Variants in LDB3 observed in about 807,000 individuals in gnomAD.
The protein encoded by LDB3 is LIM domain binding 3.
Under a neutral mutation model 69.0 loss-of-function variants are expected in LDB3, and 49 were observed. The observed-to-expected ratio is 0.71, with a 90% CI of 0.56 to 0.90. The LOEUF (loss-of-function observed/expected upper bound fraction) is 0.90, where lower values mean the gene tolerates loss of function less well. Among genes scored for constraint, LDB3 ranks in the 40% least tolerant of loss-of-function variants. LDB3 has a pLI of 0.00. For missense variants in LDB3, 928 were observed against 974.1 expected (o/e 0.95, Z 0.63); for synonymous variants, 387 against 396.2 (o/e 0.98, Z 0.28).
rs202247419 is a variant in LDB3, at chr10:86,709,934, T to C, written c.1115T>C (p.Val372Ala). Residue 372 changes from valine (V) to alanine (A), a missense_variant, in exon 9 of 14, where the codon GTG becomes GCG. Transcript: ENST00000361373. Reference protein sequence around the residue: ...RPQASSYSPAVAASSAPATHT... With the variant: ...RPQASSYSPAAAASSAPATHT... ...CAGGCCTCTTCCTACAGCCCCGCAG[T>C]GGCCGCCTCTTCAGCACCTGCCACC... The C allele has an allele frequency of 4.3e-6, 7 of 1,612,248 alleles. No homozygotes were observed. The African/African-American group carries it at 9.3e-5, about 21-fold the overall frequency.
intron 8 of LDB3, among the ~76,000 whole-genome samples, chr10:86,708,526 C>T (rs1356539985): frequency 6.6e-6 from 1 of 152,148 alleles, no homozygotes; most frequent in Admixed American, 6.5e-5. Flanking sequence ...CCAGCTAAGA[C>T]CACTGCACCT....
intron 5 of LDB3, among the ~76,000 whole-genome samples, chr10:86,686,423 G>GGAGA (rs1361886598): frequency 6.6e-6 from 1 of 152,178 alleles, no homozygotes; most frequent in Non-Finnish European, 1.5e-5. Context: ...GTGTGTAGTG[G>GGAGA]GAGATCTCTC....
intron 12 of LDB3, among the ~76,000 whole-genome samples, chr10:86,719,188 A>G (rs938111356): frequency 2.6e-5 from 4 of 152,122 alleles, no homozygotes; most frequent in African/African-American, 9.7e-5. Flanking sequence ...GCTTGAGCCC[A>G]GGAGTTTGAC....
rs948905872 is a variant in LDB3, at chr10:86,700,149, A to G, written c.897-6382A>G. The G allele has an allele frequency of 3.3e-5, 26 of 797,732 alleles. No homozygotes were observed. The African/African-American group carries it at 4.5e-4, about 14-fold the overall frequency. 49.4% of individuals were successfully genotyped at this position (797,732 alleles called of 1,614,324 possible). The stretch of plus-strand genomic sequence containing the variant: ...AGAGGACAGGCACCATCAGAAGAGG[A>G]GCAGGGGCTGTGTCCACCGGCCCCA... On this transcript the variant is annotated intron_variant, in intron 7 of 13. Transcript: ENST00000361373.
rs777192333 is a variant in LDB3 at position 86,691,853 on chromosome 10, G to A, written c.690-43G>A. The A allele has an allele frequency of 1.6e-5, 26 of 1,612,076 alleles. No homozygotes were observed. In the South Asian group the frequency reaches 1.8e-4, roughly 11 times the overall value. On this transcript the variant is annotated intron_variant, in intron 5 of 13. Coordinates refer to ENST00000361373, the MANE Select transcript of LDB3 (RefSeq NM_007078.3). The stretch of plus-strand genomic sequence containing the variant: ...AGGGACCCAGCAGGGTGGGAACTGG[G>A]CTCCAGCCTAGCCCTCGCCCACGGC...
At chr10:86,675,030 G>C (rs114576982) in intron 2 of LDB3, among the ~76,000 whole-genome samples, 6,627 of 152,246 alleles carry the variant, frequency 0.044, 434 homozygotes, top group African/African-American at 0.15. Flanking sequence ...CCTACTCAGG[G>C]CAGCCAAAGG....
chr10:86,686,463 A>C (rs2132394052), intron 5 of LDB3, among the ~76,000 whole-genome samples: 1 of 152,264 alleles, frequency 6.6e-6, no homozygotes, highest in African/African-American at 2.4e-5. Flanking sequence ...AGACCCTGGG[A>C]GGGAGCTCAG....
chr10:86,679,647 A>G, intron 3 of LDB3, 129 bp downstream of exon 3: 1 of 1,079,478 alleles, frequency 9.3e-7, no homozygotes, highest in East Asian at 2.5e-5. Context: ...GCAGGAAGAT[A>G]AGGACAGCCC....
Position 86,687,626 on chromosome 10 carries a change from G to A in LDB3, c.690-4270G>A, listed in dbSNP as rs1435634126. ...TGGAGGCCCCCAGGCCTCTCACAGC[G>A]AAGCTGTCCTTTAAGGAGGGGGAAG... is the stretch of plus-strand genomic sequence containing the variant. On this transcript the variant is annotated intron_variant, in intron 5 of 13. Transcript: ENST00000361373. 5.9e-5 allele frequency among the ~76,000 whole-genome samples: 9 copies of A among 152,372 alleles called. No individual in the cohort carries two copies. In the South Asian group the frequency reaches 8.3e-4, roughly 14 times the overall value.
In LDB3 at chr10:86,718,765, C is replaced by A. The variant is rs1846967797; in HGVS notation, c.1896C>A (p.Thr632=). The change falls in exon 12 of 14, where the codon ACC becomes ACA. Residue 632 remains threonine (T), a synonymous_variant. Transcript: ENST00000361373. ...MHALRQTWHT[T]CFVCAACKKP... is the part of the protein sequence containing the mutation. ...CCTTGAGACAGACATGGCACACCAC[C>A]TGCTTCGTCTGTGCGGCCTGCAAGA... is the stretch of plus-strand genomic sequence containing the variant. The A allele has an allele frequency of 6.2e-7, 1 of 1,614,190 alleles. No individual in the cohort carries two copies. The highest frequency in any genetic ancestry group is 1.1e-5 in the South Asian group (1 of 91,084).
At position 86,668,847 on chromosome 10, in the gene LDB3, G is replaced by A. The variant is rs535838745; in HGVS notation, c.93+63G>A. On this transcript the variant is annotated intron_variant, in intron 2 of 13. Coordinates refer to ENST00000361373, the MANE Select transcript of LDB3 (RefSeq NM_007078.3). ...CAGGCACGCTTGGAGGAGGGCATGT[G>A]TGTCCGTCTGTCTGTCTGTCCTTTC... 787 of 1,228,040 alleles carry A rather than the reference G, an allele frequency of 6.4e-4. 4 individuals are homozygous for A. Among genetic ancestry groups the A allele is most frequent in the Admixed American group, 1.7e-3 (102 of 58,486 alleles). 76.1% of individuals were successfully genotyped at this position (1,228,040 alleles called of 1,614,324 possible). A position where few individuals can be genotyped will look rare whatever the true frequency, so the allele number is the denominator to read the frequency against.
intron 8 of LDB3, among the ~76,000 whole-genome samples, chr10:86,708,293 G>T (rs900606161): frequency 6.6e-6 from 1 of 152,250 alleles, no homozygotes; most frequent in African/African-American, 2.4e-5. Context: ...TCACGGGTTT[G>T]CACTCTGAGC....
intron 5 of LDB3, among the ~76,000 whole-genome samples, chr10:86,682,323 ACT>A (rs544593663): frequency 1.0e-3 from 158 of 151,996 alleles, no homozygotes; most frequent in African/African-American, 3.6e-3. Flanking sequence ...ATATGGAGAG[ACT>A]CTTTGGCAGT....
chr10:86,711,872 T>G (rs1449214290), intron 9 of LDB3, among the ~76,000 whole-genome samples: 1 of 150,096 alleles, frequency 6.7e-6, no homozygotes, highest in African/African-American at 2.4e-5. Context: ...CGGCCCGGCG[T>G]GAGTCAGAAA....
intron 7 of LDB3, among the ~76,000 whole-genome samples, chr10:86,696,466 T>C (rs967282754): frequency 1.3e-5 from 2 of 151,524 alleles, no homozygotes; most frequent in African/African-American, 4.9e-5. Flanking sequence ...CCTGTCTCTT[T>C]TCCTCTCTCC....
chr10:86,681,560 C>T lies in LDB3; in HGVS notation c.446C>T (p.Pro149Leu). 3 of 1,613,020 alleles carry T rather than the reference C, an allele frequency of 1.9e-6. No individual in the cohort carries two copies. Among genetic ancestry groups the T allele is most frequent in the Non-Finnish European group, 1.7e-6 (2 of 1,179,812 alleles). The change falls in exon 5 of 14, where the codon CCC (proline) becomes CTC (leucine). Residue 149 changes from proline (P) to leucine (L), a missense_variant. Coordinates refer to ENST00000361373, the MANE Select transcript of LDB3 (RefSeq NM_007078.3). The stretch of plus-strand genomic sequence containing the variant: ...ACCTTTAGCCCTGCCTTCTCCCGGC[C>T]CTCCGCCTTCTCCTCACTCGCCGAG... The part of the protein sequence containing the change: ...RPTFSPAFSR[P>L]SAFSSLAEAS...
Position 86,710,291 on chromosome 10 carries a change from C to T in LDB3, c.1231+241C>T, listed in dbSNP as rs547801993. On this transcript the variant is annotated intron_variant, in intron 9 of 13. Coordinates refer to ENST00000361373, the MANE Select transcript of LDB3 (RefSeq NM_007078.3). ...GATTCTAAGGGAGAGCGAAGGAGAGCAGAGAAGTCTTCTCCGGACCGGGCA... is the reference window on the plus strand; with the variant it reads ...GATTCTAAGGGAGAGCGAAGGAGAGTAGAGAAGTCTTCTCCGGACCGGGCA... The T allele has an allele frequency of 2.4e-5, 24 of 980,606 alleles. No individual in the cohort carries two copies. The East Asian group carries it at 1.1e-3, about 47-fold the overall frequency. The allele number at this position is 980,606 out of a possible 1,614,324, so 60.7% of individuals were successfully genotyped here.
At chr10:86,729,370 G>C (rs963725451) in intron 13 of LDB3, among the ~76,000 whole-genome samples, 1 of 152,162 alleles carries the variant, frequency 6.6e-6, no homozygotes, top group Non-Finnish European at 1.5e-5. Context: ...CAATGGAAAG[G>C]GTCCGACCTT....
chr10:86,706,041 C>T (rs1414603046), intron 7 of LDB3, among the ~76,000 whole-genome samples: 1 of 152,158 alleles, frequency 6.6e-6, no homozygotes, highest in Non-Finnish European at 1.5e-5. Flanking sequence ...AGCCCAAAGC[C>T]TAGGTTCTCA....
Sources: allele counts gnomAD v4.1 joint callset (sites outside exome capture counted in the v4.1 genomes callset), GRCh38; gene constraint gnomAD v4.1.1; transcripts MANE v1.5; gene names NCBI Gene and HGNC (gene_info 2026-07-23, HGNC 2026-07-21).